Variants in ILDR2 observed in about 807,000 individuals in gnomAD.
ILDR2 encodes the protein immunoglobulin-like domain-containing receptor 2.
Under a neutral mutation model 66.8 loss-of-function variants are expected in ILDR2, and 25 were observed. That is an observed-to-expected ratio of 0.37 (90% confidence interval 0.27 to 0.52). ILDR2 has a LOEUF of 0.52. Ranked by LOEUF, ILDR2 falls within the 20% of genes least tolerant of loss-of-function variation. ILDR2 has a pLI of 0.88. For synonymous variants in ILDR2, 367 were observed against 357.2 expected, an observed-to-expected ratio of 1.03 and a Z score of -0.31; for missense variants, 827 against 876.8, an observed-to-expected ratio of 0.94 and a Z score of 0.72.
chr1:166,959,285 C>T (rs959444294), intron 1 of ILDR2, among the ~76,000 whole-genome samples: 2 of 152,158 alleles, frequency 1.3e-5, no homozygotes, highest in African/African-American at 2.4e-5. Flanking sequence ...CACAGTCTTC[C>T]GAGTACTTCT....
chr1:166,971,171 A>T (rs988596458), intron 1 of ILDR2, among the ~76,000 whole-genome samples: 1 of 152,042 alleles, frequency 6.6e-6, no homozygotes, highest in East Asian at 1.9e-4. Context: ...GCACAATGCT[A>T]CTCCATAACT....
At chr1:166,968,247 C>T (rs180806903) in intron 1 of ILDR2, among the ~76,000 whole-genome samples, 1 of 152,262 alleles carries the variant, frequency 6.6e-6, no homozygotes, top group East Asian at 1.9e-4. Context: ...TCATGCCCTC[C>T]CCTGATTCTT....
chr1:166,935,198 T>G, intron 6 of ILDR2, 103 bp downstream of exon 6: 1 of 1,158,776 alleles, frequency 8.6e-7, no homozygotes. Context: ...CAGAGAAAAC[T>G]ATTTTCCAAA....
downstream of ILDR2, among the ~76,000 whole-genome samples, chr1:166,905,181 AT>A (rs890928557): frequency 4.0e-5 from 6 of 151,654 alleles, no homozygotes; most frequent in African/African-American, 1.5e-4. Flanking sequence ...CTCAAAATCT[AT>A]TTTTTTTCCT....
At chr1:166,924,238 A>G (rs963643201) in intron 7 of ILDR2, among the ~76,000 whole-genome samples, 3 of 152,232 alleles carry the variant, frequency 2.0e-5, no homozygotes, top group Admixed American at 2.0e-4. Flanking sequence ...CTCAGATACT[A>G]TTGATTAATA....
intron 1 of ILDR2, among the ~76,000 whole-genome samples, chr1:166,961,926 G>C (rs1662641880): frequency 6.6e-6 from 1 of 152,200 alleles, no homozygotes; most frequent in Admixed American, 6.5e-5. Flanking sequence ...CTCAGAAGTA[G>C]AGAGTAACCC....
intron 7 of ILDR2, 24 bp from the exon 8 acceptor site, chr1:166,922,833 A>G (rs935946234): frequency 2.5e-6 from 4 of 1,593,618 alleles, no homozygotes; most frequent in Non-Finnish European, 1.7e-6. Context: ...ATCAGGCATG[A>G]TAGAGCTTTT....
At chr1:166,900,170 T>C (rs531003745) in intron 2 of ILDR2, among the ~76,000 whole-genome samples, 1 of 152,212 alleles carries the variant, frequency 6.6e-6, no homozygotes, top group Admixed American at 6.5e-5. Context: ...CTTCTCTCTA[T>C]TGCTATCCTT....
Position 166,974,341 on chromosome 1 carries a change from G to A in ILDR2, c.46+882C>T, listed in dbSNP as rs1007770715. Among the ~76,000 whole-genome samples the A allele has an allele frequency of 5.9e-5, 9 of 152,114 alleles. No individual in the cohort carries two copies. In the South Asian group the frequency reaches 1.2e-3, roughly 21 times the overall value. On this transcript the variant is annotated intron_variant, in intron 1 of 9. Coordinates refer to ENST00000271417, the MANE Select transcript of ILDR2 (RefSeq NM_199351.3). ...CTGCTTTGTGAATCTCTCAGGGCTGGCCACCCCAAGGCCCTGTATCCCTAT... is the reference window on the plus strand; with the variant it reads ...CTGCTTTGTGAATCTCTCAGGGCTGACCACCCCAAGGCCCTGTATCCCTAT...
At position 166,975,299 on chromosome 1, in the gene ILDR2, T is replaced by A. The variant is rs1161756753; in HGVS notation, c.-31A>T. 4 of 1,606,478 alleles carry A rather than the reference T, an allele frequency of 2.5e-6. No homozygotes were observed. In the Admixed American group the frequency reaches 5.0e-5, roughly 20 times the overall value. The stretch of plus-strand genomic sequence containing the variant: ...CCAACTTCCCAGCCGAATTACGGAG[T>A]GAGGAAAGTGGGAAATGGCTGGAAC... On this transcript the variant is annotated 5_prime_UTR_variant, in exon 1 of 10. Transcript: ENST00000271417.
chr1:166,925,055 T>C (rs1276611449), intron 7 of ILDR2, among the ~76,000 whole-genome samples: 1 of 152,014 alleles, frequency 6.6e-6, no homozygotes, highest in East Asian at 1.9e-4. Context: ...CCAGGAGATA[T>C]AGTTTGCTGA....
chr1:166,947,537 G>T (rs1463678618), intron 3 of ILDR2, among the ~76,000 whole-genome samples: 1 of 152,236 alleles, frequency 6.6e-6, no homozygotes, highest in African/African-American at 2.4e-5. Context: ...CCTGAATAGC[G>T]GCAGCTGGCT....
chr1:166,920,768 C>T lies in ILDR2; in HGVS notation c.1823G>A (p.Arg608His), dbSNP rs1191672098. 6 of 1,492,868 alleles carry T rather than the reference C, an allele frequency of 4.0e-6. No individual in the cohort carries two copies. Among genetic ancestry groups the T allele is most frequent in the Non-Finnish European group, 5.4e-6 (6 of 1,121,382 alleles). 92.5% of individuals were successfully genotyped at this position (1,492,868 alleles called of 1,614,324 possible). A position where few individuals can be genotyped will look rare whatever the true frequency, so the allele number is the denominator to read the frequency against. ...ELTRGPSYRGRDLPYHSNSEK... is the reference protein window; with the variant it reads ...ELTRGPSYRGHDLPYHSNSEK... ...CGAGTTGCTGTGGTAGGGCAGGTCG[C>T]GGCCGCGGTAGGACGGGCCGCGGGT... Residue 608 changes from arginine to histidine, a missense_variant, in exon 9 of 10, where the codon CGC becomes CAC. Around this residue, in one of 2 missense-constraint regions of ILDR2, gnomAD observed 390 missense variants for 353.6 expected, o/e 1.10. Coordinates refer to ENST00000271417, the MANE Select transcript of ILDR2 (RefSeq NM_199351.3).
rs372091274 is a variant in ILDR2, at chr1:166,914,813, T to C, written c.*4542A>G. ...GGCCCCCTATTTTAGTGAATTTGGA[T>C]TTCTACATCCTATCAATCAATTTCA... On this transcript the variant is annotated 3_prime_UTR_variant, in exon 10 of 10. Transcript: ENST00000271417. 2.2e-4 allele frequency: 34 copies of C among 152,324 alleles called. No individual in the cohort carries two copies. The highest frequency in any genetic ancestry group is 8.2e-4 in the African/African-American group (34 of 41,566). 9.4% of individuals were successfully genotyped at this position (152,324 alleles called of 1,614,324 possible). A position where few individuals can be genotyped will look rare whatever the true frequency, so the allele number is the denominator to read the frequency against.
At chr1:166,946,419 C>A (rs1023439719) in intron 3 of ILDR2, among the ~76,000 whole-genome samples, 24 of 152,134 alleles carry the variant, frequency 1.6e-4, no homozygotes, top group African/African-American at 5.6e-4. Flanking sequence ...CGAATTCTAT[C>A]CATAAAATAA....
intron 1 of ILDR2, among the ~76,000 whole-genome samples, chr1:166,962,802 T>C (rs562236871): frequency 6.6e-6 from 1 of 152,316 alleles, no homozygotes; most frequent in Non-Finnish European, 1.5e-5. Flanking sequence ...CTATACAGGC[T>C]AATAAGAATA....
Position 166,921,157 on chromosome 1 carries a change from G to T in ILDR2, c.1434C>A (p.Tyr478Ter). The change falls in exon 9 of 10, where the codon TAC (tyrosine) becomes TAA (stop). Residue 478 changes from tyrosine to a stop codon, truncating the protein, a stop_gained. Transcript: ENST00000271417. LOFTEE classifies it high-confidence loss of function. The surrounding 1 kb of genome is among the most constrained non-coding windows in gnomAD (Gnocchi z 5.3). ...FYQDDSLEEY[Y>*]GQRSRSREPL... ...GCTCGCGGCTGCGGCTGCGCTGACC[G>T]TAGTACTCCTCCAAGGAGTCGTCCT... The T allele has an allele frequency of 1.3e-6, 2 of 1,540,736 alleles. No homozygotes were observed. The highest frequency in any genetic ancestry group is 1.2e-5 in the South Asian group (1 of 84,376).
chr1:166,939,583 G>T lies in ILDR2; in HGVS notation c.500-13C>A. On this transcript the variant is annotated splice_polypyrimidine_tract_variant and intron_variant, in intron 3 of 9. Coordinates refer to ENST00000271417, the MANE Select transcript of ILDR2 (RefSeq NM_199351.3). ...AGCCCTGTCCTGCCTAGAAGAAGTG[G>T]AAGGAAAAGAAGAAGGAAAGTGGTT... 1.2e-6 allele frequency: 2 copies of T among 1,612,790 alleles called. No individual in the cohort carries two copies. Among genetic ancestry groups the T allele is most frequent in the Non-Finnish European group, 8.5e-7 (1 of 1,178,812 alleles).
At chr1:166,932,065 A>G (rs1012698923) in intron 6 of ILDR2, among the ~76,000 whole-genome samples, 1 of 152,252 alleles carries the variant, frequency 6.6e-6, no homozygotes, top group African/African-American at 2.4e-5. Flanking sequence ...GAGGACCTCA[A>G]ACAAAACAGG....
Sources: gnomAD v4.1 joint callset for allele counts (sites outside exome capture counted in the v4.1 genomes callset) on GRCh38, gnomAD v4.1.1 for gene constraint, gnomAD v4.1.1 regional missense constraint, Gnocchi (gnomAD v3.1) non-coding constraint, MANE v1.5 for transcripts, NCBI Gene and HGNC (gene_info 2026-07-23, HGNC 2026-07-21) for gene names.